MOK: variants seen among roughly 807,000 people sequenced by gnomAD.
MOK encodes the protein MOK protein kinase.
In MOK, 59 loss-of-function variants were observed where a neutral mutation model predicts 54.2. The observed-to-expected ratio is 1.09, with a 90% CI of 0.88 to 1.35. The LOEUF is 1.35. MOK is among the 40% of genes most tolerant of loss of function. MOK has a pLI of 0.00. For missense variants in MOK, 517 were observed against 526.2 expected (o/e 0.98, Z 0.17); for synonymous variants, 210 against 202.7 (o/e 1.04, Z -0.31).
chr14:102,261,005 C>T (rs2067344886), intron 4 of MOK, among the ~76,000 whole-genome samples: 1 of 151,948 alleles, frequency 6.6e-6, no homozygotes, highest in South Asian at 2.1e-4. Context: ...TGCCTGTAAT[C>T]CTAGCACTTT....
chr14:102,231,947 G>C lies in MOK; in HGVS notation c.867-126C>G. ...TCACTAGCTCTTCTTTTCTGCCTGA[G>C]CTGTAATCAGGAGCCTTTTTTTTTC... On this transcript the variant is annotated intron_variant, in intron 9 of 11. Coordinates refer to ENST00000361847, the MANE Select transcript of MOK (RefSeq NM_014226.3). This position sits in a 1 kb window ranked among gnomAD's most constrained non-coding sequence, Gnocchi z 4.4. 1.4e-6 allele frequency: 1 copy of C among 700,658 alleles called. No individual in the cohort carries two copies. Among genetic ancestry groups the C allele is most frequent in the East Asian group, 2.8e-5 (1 of 36,278 alleles). The allele number at this position is 700,658 out of a possible 1,614,324, so 43.4% of individuals were successfully genotyped here. A position where few individuals can be genotyped will look rare whatever the true frequency, so the allele number is the denominator to read the frequency against.
In MOK at chr14:102,258,578, C is replaced by A. The variant is rs138815777; in HGVS notation, c.283+4968G>T. Among the ~76,000 whole-genome samples the A allele has an allele frequency of 1.4e-3, 214 of 152,282 alleles. 4 individuals carry two copies. Among genetic ancestry groups the A allele is most frequent in the Middle Eastern group, 6.8e-3 (2 of 294 alleles). ...ACCATGTCCCTGCCTCTGGAATAGCCCATGGCATGTCACTGCAAATGGGAC... is the reference window on the plus strand; with the variant it reads ...ACCATGTCCCTGCCTCTGGAATAGCACATGGCATGTCACTGCAAATGGGAC... On this transcript the variant is annotated intron_variant, in intron 4 of 11. Transcript: ENST00000361847.
chr14:102,255,793 T>C (rs1434672276), intron 4 of MOK, among the ~76,000 whole-genome samples: 1 of 152,224 alleles, frequency 6.6e-6, no homozygotes. Flanking sequence ...TATATGCCCC[T>C]TAGTGAATTC....
rs1010787460 is a variant in MOK, at chr14:102,235,507, G to A, written c.591-1718C>T. 2.0e-5 allele frequency: 3 copies of A among 152,238 alleles called. No individual in the cohort carries two copies. Among genetic ancestry groups the A allele is most frequent in the African/African-American group, 7.2e-5 (3 of 41,448 alleles). The allele number at this position is 152,238 out of a possible 1,614,324, so 9.4% of individuals were successfully genotyped here. On this transcript the variant is annotated intron_variant, in intron 7 of 11. Transcript: ENST00000361847. This position sits in a 1 kb window ranked among gnomAD's most constrained non-coding sequence, Gnocchi z 4.4. ...AGTAGGGGCCGCTGCAGTTCCCTGA[G>A]AAGAGCGTACCTGGGCGTATCAACC... is the stretch of plus-strand genomic sequence containing the variant.
At chr14:102,298,470 A>G (rs893669275) in intron 1 of MOK, among the ~76,000 whole-genome samples, 1 of 151,996 alleles carries the variant, frequency 6.6e-6, no homozygotes, top group Non-Finnish European at 1.5e-5. Context: ...CCCTGTATCT[A>G]GCTCAAGGTT....
In MOK at chr14:102,230,031, G is replaced by A. The variant is rs1384126878; in HGVS notation, c.982-374C>T. 1 of 223,166 alleles carries A rather than the reference G, an allele frequency of 4.5e-6. No homozygotes were observed. The highest frequency in any genetic ancestry group is 8.9e-6 in the Non-Finnish European group (1 of 112,796). 13.8% of individuals were successfully genotyped at this position (223,166 alleles called of 1,614,324 possible). A position where few individuals can be genotyped will look rare whatever the true frequency, so the allele number is the denominator to read the frequency against. ...GTGAGCTAAGGATGGTTTTACATTT[G>A]GGGTTTTTTGTTTGTTTGTTTGTTT... is the stretch of plus-strand genomic sequence containing the variant. On this transcript the variant is annotated intron_variant, in intron 10 of 11. Transcript: ENST00000361847. This position sits in a 1 kb window ranked among gnomAD's most constrained non-coding sequence, Gnocchi z 4.1.
At chr14:102,304,739 C>T (rs991850363) in intron 1 of MOK, among the ~76,000 whole-genome samples, 1 of 152,212 alleles carries the variant, frequency 6.6e-6, no homozygotes, top group Non-Finnish European at 1.5e-5. Flanking sequence ...CCCCAAAGTT[C>T]CCAACCTAGC....
At chr14:102,285,082 CAAAAAAAAAA>C (rs34015643) in intron 1 of MOK, among the ~76,000 whole-genome samples, 1 of 65,980 alleles carries the variant, frequency 1.5e-5, no homozygotes, top group Non-Finnish European at 3.4e-5. Flanking sequence ...GATGTCATCT[CAAAAAAAAAA>C]AAAAAAAAGA....
At chr14:102,298,814 G>C (rs554614367) in intron 1 of MOK, among the ~76,000 whole-genome samples, 1 of 152,184 alleles carries the variant, frequency 6.6e-6, no homozygotes, top group Non-Finnish European at 1.5e-5. Flanking sequence ...TTTATGAGCT[G>C]CAACACTCAC....
downstream of MOK, among the ~76,000 whole-genome samples, chr14:102,228,142 C>T (rs952258486): frequency 6.6e-6 from 1 of 152,180 alleles, no homozygotes; most frequent in African/African-American, 2.4e-5. Flanking sequence ...ACACAAGGTG[C>T]CCAACTTATT....
the MOK span, among the ~76,000 whole-genome samples, chr14:102,216,376 T>C: frequency 6.6e-6 from 1 of 152,170 alleles, no homozygotes; most frequent in Non-Finnish European, 1.5e-5. Context: ...CACTGAAGCC[T>C]TGACCTCCTG....
downstream of MOK, among the ~76,000 whole-genome samples, chr14:102,227,329 GCCC>G (rs1053213857): frequency 7.1e-6 from 1 of 140,064 alleles, no homozygotes. Context: ...CCTGCGCGCC[GCCC>G]CCCCTACAGC....
intron 7 of MOK, among the ~76,000 whole-genome samples, chr14:102,244,310 C>T (rs563505536): frequency 2.6e-5 from 4 of 152,298 alleles, no homozygotes; most frequent in East Asian, 1.9e-4. Context: ...CTGAAACTTC[C>T]ACCTATCAAT....
At chr14:102,289,375 T>C (rs549897036) in intron 1 of MOK, among the ~76,000 whole-genome samples, 2 of 152,292 alleles carry the variant, frequency 1.3e-5, no homozygotes, top group East Asian at 3.9e-4. Flanking sequence ...TGGCAGAATA[T>C]GCACGTCTAC....
chr14:102,233,727 A>G lies in MOK; in HGVS notation c.653T>C (p.Ile218Thr). 6.2e-7 allele frequency: 1 copy of G among 1,614,114 alleles called. No individual in the cohort carries two copies. The highest frequency in any genetic ancestry group is 8.5e-7 in the Non-Finnish European group (1 of 1,179,986). The change falls in exon 8 of 12, where the codon ATC (isoleucine) becomes ACC (threonine). Residue 218 changes from isoleucine to threonine, a missense_variant. By Grantham distance (89) the Ile-to-Thr change is moderately conservative. Coordinates refer to ENST00000361847, the MANE Select transcript of MOK (RefSeq NM_014226.3). ...LDQISKIHDV[I>T]GTPAQKILTK... The stretch of plus-strand genomic sequence containing the variant: ...GAGGATCTTCTGAGCGGGTGTGCCG[A>G]TGACATCGTGGATTTTTGAGATTTG...
At chr14:102,279,101 T>C (rs1248255072) in intron 2 of MOK, among the ~76,000 whole-genome samples, 1 of 152,140 alleles carries the variant, frequency 6.6e-6, no homozygotes, top group Admixed American at 6.6e-5. Context: ...GTTCCGACCT[T>C]TAGAGTCAGA....
downstream of MOK, among the ~76,000 whole-genome samples, chr14:102,224,111 G>C (rs3742433): frequency 6.9e-6 from 1 of 144,846 alleles, no homozygotes; most frequent in Non-Finnish European, 1.5e-5. Flanking sequence ...GCGCAATCTC[G>C]GCTCACTGCA....
chr14:102,232,742 T>TGCTGTCACTGAGCGCACCGGTGGTCC lies in MOK; in HGVS notation c.693-60_693-35dup. On this transcript the variant is annotated intron_variant, in intron 8 of 11. Coordinates refer to ENST00000361847, the MANE Select transcript of MOK (RefSeq NM_014226.3). The surrounding 1 kb of genome is among the most constrained non-coding windows in gnomAD (Gnocchi z 5.1). ...AAAACCCAATGATAATAAATGGTCA[T>TGCTGTCACTGAGCGCACCGGTGGTCC]GCTGTCACTGAGCGCACCGGTGGTC... 3.2e-6 allele frequency: 5 copies of TGCTGTCACTGAGCGCACCGGTGGTCC among 1,586,910 alleles called. No individual in the cohort carries two copies. Among genetic ancestry groups the TGCTGTCACTGAGCGCACCGGTGGTCC allele is most frequent in the Non-Finnish European group, 4.3e-6 (5 of 1,160,644 alleles).
intron 1 of MOK, among the ~76,000 whole-genome samples, chr14:102,300,212 T>G (rs1190566363): frequency 6.6e-6 from 1 of 151,046 alleles, no homozygotes; most frequent in Non-Finnish European, 1.5e-5. Flanking sequence ...TAATCCCAGC[T>G]ATTTGGGAAG....
Sources: allele counts gnomAD v4.1 joint callset (sites outside exome capture counted in the v4.1 genomes callset), GRCh38; gene constraint gnomAD v4.1.1; non-coding constraint Gnocchi (gnomAD v3.1); transcripts MANE v1.5; gene names NCBI Gene and HGNC (gene_info 2026-07-23, HGNC 2026-07-21).